MAP4: variants seen among roughly 807,000 people sequenced by gnomAD.
MAP4 encodes microtubule associated protein 4, also known as microtubule-associated protein 4.
A neutral mutation model predicts 170.2 loss-of-function variants in MAP4; 76 were observed. The observed-to-expected ratio is 0.45, with a 90% CI of 0.37 to 0.54. MAP4 has a LOEUF of 0.54. Among genes scored for constraint, MAP4 ranks in the 20% least tolerant of loss-of-function variants. MAP4 has a pLI of 0.00. For synonymous variants in MAP4, 909 were observed against 994.5 expected, an observed-to-expected ratio of 0.91 and a Z score of 1.62; for missense variants, 2,506 against 2,748.0, an observed-to-expected ratio of 0.91 and a Z score of 1.97.
At chr3:47,893,024 A>G (rs1443756533) in intron 10 of MAP4, among the ~76,000 whole-genome samples, 9 of 135,856 alleles carry the variant, frequency 6.6e-5, no homozygotes, top group African/African-American at 2.3e-4. Flanking sequence ...TCAAAATTGG[A>G]CTAAAAAAAA....
At chr3:48,069,579 G>A (rs1392368056) in intron 1 of MAP4, among the ~76,000 whole-genome samples, 4 of 152,192 alleles carry the variant, frequency 2.6e-5, no homozygotes, top group African/African-American at 7.2e-5. Context: ...ACCTCTGGCT[G>A]ATGAAATAGG....
chr3:47,895,027 A>G (rs1017176490), intron 10 of MAP4, among the ~76,000 whole-genome samples: 1 of 152,004 alleles, frequency 6.6e-6, no homozygotes, highest in Non-Finnish European at 1.5e-5. Flanking sequence ...TGTCCAAAAA[A>G]AAAAAAAAGG....
At chr3:47,866,345 A>G (rs2079947812) in intron 17 of MAP4, among the ~76,000 whole-genome samples, 1 of 150,910 alleles carries the variant, frequency 6.6e-6, no homozygotes, top group Non-Finnish European at 1.5e-5. Flanking sequence ...CAAAACAAAA[A>G]CAAAACAAAC....
Position 47,909,889 on chromosome 3 carries a change from G to C in MAP4, c.4532C>G (p.Pro1511Arg). 6.2e-7 allele frequency: 1 copy of C among 1,613,980 alleles called. No individual in the cohort carries two copies. Among genetic ancestry groups the C allele is most frequent in the Non-Finnish European group, 8.5e-7 (1 of 1,179,874 alleles). The change falls in exon 9 of 21, where the codon CCT (proline) becomes CGT (arginine). Residue 1511 changes from proline (P) to arginine (R), a missense_variant. Around this residue, in one of 3 missense-constraint regions of MAP4, gnomAD observed 2,008 missense variants for 2,206.0 expected, o/e 0.91. Coordinates refer to ENST00000683076, the MANE Select transcript of MAP4 (RefSeq NM_001385682.1). ...PSTSTGGVAL[P>R]ITTAIETVNI... ...AACTGTTTCTATGGCTGTTGTAATA[G>C]GTAGAGCAACTCCTCCTGTGCTTGT...
chr3:47,881,994 G>A (rs1008222635), intron 10 of MAP4, among the ~76,000 whole-genome samples: 1 of 152,122 alleles, frequency 6.6e-6, no homozygotes, highest in African/African-American at 2.4e-5. Context: ...AATTCCTGAT[G>A]GCCAGGTACA....
rs2095624390 is a variant in MAP4 at position 47,877,222 on chromosome 3, G to A, written c.5541+195C>T. On this transcript the variant is annotated intron_variant, in intron 11 of 20. Coordinates refer to ENST00000683076, the MANE Select transcript of MAP4 (RefSeq NM_001385682.1). ...GATATATAAGATAATAGGGTCAAAGGCTGAGATTTTAAAGTTGGTTTAGGC... is the reference window on the plus strand; with the variant it reads ...GATATATAAGATAATAGGGTCAAAGACTGAGATTTTAAAGTTGGTTTAGGC... The A allele has an allele frequency of 6.1e-5, 32 of 528,342 alleles. No individual in the cohort carries two copies. In the South Asian group the frequency reaches 6.3e-4, roughly 10 times the overall value. 32.7% of individuals were successfully genotyped at this position (528,342 alleles called of 1,614,324 possible).
intron 1 of MAP4, among the ~76,000 whole-genome samples, chr3:48,075,313 T>C (rs1355190557): frequency 6.6e-6 from 1 of 151,796 alleles, no homozygotes; most frequent in African/African-American, 2.4e-5. Flanking sequence ...TCACTTGAGG[T>C]CAGGAGTTCA....
intron 1 of MAP4, among the ~76,000 whole-genome samples, chr3:48,074,376 G>A (rs1327448342): frequency 1.3e-5 from 2 of 150,756 alleles, no homozygotes; most frequent in African/African-American, 4.9e-5. Flanking sequence ...GTTAATGGGT[G>A]CAGCACACCA....
intron 2 of MAP4, among the ~76,000 whole-genome samples, chr3:47,979,431 A>C (rs147286360): frequency 7.9e-4 from 120 of 152,190 alleles, no homozygotes; most frequent in Non-Finnish European, 1.5e-3. Context: ...TTTTGCCAAT[A>C]CCATCCTGTC....
At chr3:48,042,916 T>C (rs376825647) in intron 1 of MAP4, among the ~76,000 whole-genome samples, 2 of 152,236 alleles carry the variant, frequency 1.3e-5, no homozygotes, top group East Asian at 3.9e-4. Context: ...ATATAAAATA[T>C]CCAGAGTAGG....
At chr3:47,912,488 C>G in intron 8 of MAP4, 67 bp from the exon 9 acceptor site, 1 of 1,354,354 alleles carries the variant, frequency 7.4e-7, no homozygotes, top group Non-Finnish European at 9.7e-7. Flanking sequence ...AACAAACAAA[C>G]AAAAAAACCA....
At chr3:47,964,412 A>G (rs1417981125) in intron 3 of MAP4, among the ~76,000 whole-genome samples, 1 of 152,196 alleles carries the variant, frequency 6.6e-6, no homozygotes, top group Non-Finnish European at 1.5e-5. Flanking sequence ...AGAAGAGGAT[A>G]GGGAAACCAA....
intron 3 of MAP4, among the ~76,000 whole-genome samples, chr3:47,968,858 A>G (rs1043666852): frequency 6.6e-6 from 1 of 152,142 alleles, no homozygotes; most frequent in African/African-American, 2.4e-5. Context: ...ATTTATGAAG[A>G]AAAAAGGAGA....
intron 3 of MAP4, chr3:47,973,712 C>G (rs893979819): frequency 2.0e-6 from 2 of 985,248 alleles, no homozygotes; most frequent in African/African-American, 3.5e-5. Flanking sequence ...GCTACAGGGA[C>G]TGGTTACGAG....
At chr3:47,866,205 C>T (rs1314817287) in intron 17 of MAP4, among the ~76,000 whole-genome samples, 5 of 151,620 alleles carry the variant, frequency 3.3e-5, no homozygotes, top group Non-Finnish European at 7.4e-5. Flanking sequence ...GGCGTGGTGG[C>T]GCATGCCTGT....
At chr3:48,040,557 C>T (rs931681833) in intron 1 of MAP4, among the ~76,000 whole-genome samples, 4 of 150,164 alleles carry the variant, frequency 2.7e-5, no homozygotes, top group Admixed American at 2.7e-4. Flanking sequence ...GCGTGAGCCA[C>T]CGCGCCCAGC....
intron 10 of MAP4, among the ~76,000 whole-genome samples, chr3:47,881,729 C>T (rs2096799679): frequency 6.6e-6 from 1 of 151,312 alleles, no homozygotes; most frequent in African/African-American, 2.4e-5. Flanking sequence ...ACCTCAGCTC[C>T]TGAATAGCTA....
At position 47,891,404 on chromosome 3, in the gene MAP4, T is replaced by C. The variant is rs559840898; in HGVS notation, c.5434+11546A>G. 2.5e-5 allele frequency: 38 copies of C among 1,535,916 alleles called. No individual in the cohort carries two copies. In the South Asian group the frequency reaches 3.9e-4, roughly 16 times the overall value. The stretch of plus-strand genomic sequence containing the variant: ...AGGGCTCAATTTGTAGCTAGCTGTC[T>C]GTTCCTCACCCACAGTCATGGAGCG... On this transcript the variant is annotated intron_variant, in intron 10 of 20. Transcript: ENST00000683076.
chr3:48,005,474 G>A (rs886407689), intron 1 of MAP4, among the ~76,000 whole-genome samples: 3 of 152,186 alleles, frequency 2.0e-5, no homozygotes, highest in African/African-American at 7.2e-5. Flanking sequence ...GTTGGATCAG[G>A]CTGAATTTAT....
Sources: allele counts gnomAD v4.1 joint callset (sites outside exome capture counted in the v4.1 genomes callset), GRCh38; gene constraint gnomAD v4.1.1; regional missense constraint gnomAD v4.1.1; transcripts MANE v1.5; gene names NCBI Gene and HGNC (gene_info 2026-07-23, HGNC 2026-07-21).